The following DDR2 variants were observed in gnomAD, a reference collection of about 807,000 sequenced individuals.
The protein encoded by DDR2 is discoidin domain receptor tyrosine kinase 2.
A neutral mutation model predicts 94.9 loss-of-function variants in DDR2; 27 were observed. That is an observed-to-expected ratio of 0.28 (90% CI 0.21 to 0.39). The LOEUF (loss-of-function observed/expected upper bound fraction) is 0.39. Among genes scored for constraint, DDR2 ranks in the 10% least tolerant of loss-of-function variants. The pLI is 1.00. For missense variants in DDR2, 783 were observed against 1,076.0 expected, an observed-to-expected ratio of 0.73 and a Z score of 3.81; for synonymous variants, 382 against 377.2, an observed-to-expected ratio of 1.01 and a Z score of -0.15.
chr1:162,755,209 G>A lies in DDR2; in HGVS notation c.471G>A (p.Pro157=), dbSNP rs374094270. ...PYDIFLKDLE[P]PIVARFVRFI... ...ACATTTTCCTAAAGGACTTGGAGCC[G>A]CCCATTGTAGCCAGATTTGTCCGGT... is the stretch of plus-strand genomic sequence containing the variant. The change falls in exon 6 of 18, where the codon CCG becomes CCA. Residue 157 remains proline, a synonymous_variant. Transcript: ENST00000367921. 24 of 1,614,040 alleles carry A rather than the reference G, an allele frequency of 1.5e-5. No homozygotes were observed. Among genetic ancestry groups the A allele is most frequent in the Admixed American group, 3.3e-5 (2 of 60,016 alleles).
intron 2 of DDR2, among the ~76,000 whole-genome samples, chr1:162,704,475 T>C (rs1408058192): frequency 6.6e-6 from 1 of 152,070 alleles, no homozygotes; most frequent in East Asian, 1.9e-4. Flanking sequence ...TTGGATACTA[T>C]AATAAAAAAA....
chr1:162,671,626 C>T (rs1411357539), intron 2 of DDR2, among the ~76,000 whole-genome samples: 29 of 152,164 alleles, frequency 1.9e-4, no homozygotes, highest in Admixed American at 1.8e-3. Context: ...CTGCCCCTGG[C>T]TTTGGTTCTC....
At chr1:162,700,071 C>T (rs572724051) in intron 2 of DDR2, among the ~76,000 whole-genome samples, 5 of 152,214 alleles carry the variant, frequency 3.3e-5, no homozygotes, top group African/African-American at 7.2e-5. Flanking sequence ...AAGGTAGTTA[C>T]TCATGAGAGA....
At chr1:162,772,561 A>T (rs1647281996) in intron 13 of DDR2, 3 of 376,132 alleles carry the variant, frequency 8.0e-6, no homozygotes, top group Admixed American at 7.6e-5. Flanking sequence ...GATCCAGAAG[A>T]TGTGATCATC....
intron 2 of DDR2, among the ~76,000 whole-genome samples, chr1:162,683,994 A>G (rs545260728): frequency 9.2e-5 from 14 of 152,264 alleles, no homozygotes; most frequent in Middle Eastern, 3.2e-3. Context: ...GACTTATTAT[A>G]TAGCTGTAGT....
At position 162,752,062 on chromosome 1, in the gene DDR2, G is replaced by T. The variant is rs565315631; in HGVS notation, c.83-1033G>T. Among the ~76,000 whole-genome samples the T allele has an allele frequency of 6.9e-4, 105 of 151,998 alleles. No homozygotes were observed. The South Asian group carries it at 0.021, about 30-fold the overall frequency. ...CCTATTGTAAATGACGAGTTAATGG[G>T]TGCAGCACACCAACATGGCACATGT... On this transcript the variant is annotated intron_variant, in intron 3 of 17. Coordinates refer to ENST00000367921, the MANE Select transcript of DDR2 (RefSeq NM_006182.4).
rs7532970 is a variant in DDR2, at chr1:162,774,928, A to G, written c.1857-724A>G. Among the ~76,000 whole-genome samples, 1,007 of 152,178 alleles carry G rather than the reference A, an allele frequency of 6.6e-3. 16 individuals are homozygous for G. Among genetic ancestry groups the G allele is most frequent in the African/African-American group, 0.023 (934 of 41,502 alleles). ...CTAGCAAACTCTTGGAGGGCTTATA[A>G]CTCATCTGCTCCAACAGTTTTGGGA... On this transcript the variant is annotated intron_variant, in intron 14 of 17. Transcript: ENST00000367921.
chr1:162,733,042 G>A (rs1662133721), intron 3 of DDR2, among the ~76,000 whole-genome samples: 1 of 152,208 alleles, frequency 6.6e-6, no homozygotes, highest in South Asian at 2.1e-4. Context: ...TTCTCTGTCC[G>A]GGAGATTGGT....
intron 1 of DDR2, among the ~76,000 whole-genome samples, chr1:162,638,317 G>A (rs1008527456): frequency 2.6e-5 from 4 of 152,128 alleles, no homozygotes; most frequent in Non-Finnish European, 5.9e-5. Flanking sequence ...CACTGCGCCC[G>A]GCCTGGGACT....
At chr1:162,667,835 G>A (rs34564222) in intron 2 of DDR2, among the ~76,000 whole-genome samples, 5,999 of 152,222 alleles carry the variant, frequency 0.039, 168 homozygotes, top group Non-Finnish European at 0.061. Flanking sequence ...GTTAGGCTTG[G>A]CCTTAATTGT....
chr1:162,735,119 G>A (rs917939868), intron 3 of DDR2, among the ~76,000 whole-genome samples: 1 of 152,188 alleles, frequency 6.6e-6, no homozygotes, highest in African/African-American at 2.4e-5. Flanking sequence ...ACTGCCGCCT[G>A]TTGAGAGTAA....
chr1:162,703,419 G>A (rs912834291), intron 2 of DDR2, among the ~76,000 whole-genome samples: 1 of 152,138 alleles, frequency 6.6e-6, no homozygotes, highest in African/African-American at 2.4e-5. Flanking sequence ...TGAGTGTGAG[G>A]GAGGAAGAGA....
intron 3 of DDR2, among the ~76,000 whole-genome samples, chr1:162,736,698 A>C (rs966016531): frequency 6.6e-6 from 1 of 152,246 alleles, no homozygotes; most frequent in Non-Finnish European, 1.5e-5. Context: ...CTGCCAGTTA[A>C]ACTATGACAC....
In DDR2 at chr1:162,766,029, C is replaced by T. The variant is rs146694980; in HGVS notation, c.1128C>T (p.Ala376=). 7.4e-6 allele frequency: 12 copies of T among 1,613,608 alleles called. No individual in the cohort carries two copies. The African/African-American group carries it at 1.6e-4, about 22-fold the overall frequency. Residue 376 remains alanine (A), a synonymous_variant, in exon 10 of 18, where the codon GCC becomes GCT. Coordinates refer to ENST00000367921, the MANE Select transcript of DDR2 (RefSeq NM_006182.4). ...SDAAMYNNSE[A]LPTSPMAPTT... Reference sequence around the variant, plus strand: ...CTGCAATGTACAACAACTCTGAAGCCCTGCCCACCTCTCCTATGGCACCCA... The same window carrying T: ...CTGCAATGTACAACAACTCTGAAGCTCTGCCCACCTCTCCTATGGCACCCA...
At chr1:162,695,877 T>A (rs1660164355) in intron 2 of DDR2, among the ~76,000 whole-genome samples, 1 of 152,168 alleles carries the variant, frequency 6.6e-6, no homozygotes, top group African/African-American at 2.4e-5. Flanking sequence ...ATGAGAAAAT[T>A]AAGGCTCAGA....
At chr1:162,657,343 C>G (rs1374060308) in intron 2 of DDR2, among the ~76,000 whole-genome samples, 3 of 152,080 alleles carry the variant, frequency 2.0e-5, no homozygotes, top group Non-Finnish European at 2.9e-5. Context: ...TTTCTGGGAA[C>G]GATCAGACTG....
intron 2 of DDR2, among the ~76,000 whole-genome samples, chr1:162,656,553 C>CT (rs1024763193): frequency 6.6e-6 from 1 of 151,808 alleles, no homozygotes; most frequent in Non-Finnish European, 1.5e-5. Flanking sequence ...TCAAATTTGC[C>CT]TTTTCTTCCT....
In DDR2 at chr1:162,759,992, GGGTGT is replaced by G; in HGVS notation, c.855+18_855+22del. 1 of 1,613,990 alleles carries G rather than the reference GGGTGT, an allele frequency of 6.2e-7. No individual in the cohort carries two copies. The highest frequency in any genetic ancestry group is 8.5e-7 in the Non-Finnish European group (1 of 1,179,992). On this transcript the variant is annotated intron_variant, in intron 8 of 17. Transcript: ENST00000367921. The stretch of plus-strand genomic sequence containing the variant: ...CACTACCATGAAGGTCAGTGGGGTC[GGGTGT>G]GGTGGAACTTCTTTAAGGAGGCACA...
At chr1:162,638,815 A>AT (rs1416508541) in intron 1 of DDR2, among the ~76,000 whole-genome samples, 2 of 152,236 alleles carry the variant, frequency 1.3e-5, no homozygotes, top group Non-Finnish European at 2.9e-5. Flanking sequence ...TGCAGTTGTA[A>AT]TTTTAGAATG....
Sources: allele counts gnomAD v4.1 joint callset (sites outside exome capture counted in the v4.1 genomes callset), GRCh38; gene constraint gnomAD v4.1.1; transcripts MANE v1.5; gene names NCBI Gene and HGNC (gene_info 2026-07-23, HGNC 2026-07-21).